SNRPN: variants seen among roughly 807,000 people sequenced by gnomAD.
SNRPN encodes small nuclear ribonucleoprotein-associated protein N.
SNRPN carries 7 observed loss-of-function variants against 25.2 expected under a neutral mutation model. The observed-to-expected ratio is 0.28, with a 90% CI of 0.16 to 0.52. The LOEUF (loss-of-function observed/expected upper bound fraction) is 0.52. SNRPN is among the 20% of genes least tolerant of loss of function. The pLI, the probability that SNRPN is intolerant of heterozygous loss-of-function variation, is 0.96. For synonymous variants in SNRPN, 124 were observed against 110.6 expected, an observed-to-expected ratio of 1.12 and a Z score of -0.76; for missense variants, 196 against 322.5, an observed-to-expected ratio of 0.61 and a Z score of 3.00.
At chr15:24,897,705 T>C (rs1292519902) in intron 2 of SNRPN, among the ~76,000 whole-genome samples, 1 of 152,176 alleles carries the variant, frequency 6.6e-6, no homozygotes, top group Admixed American at 6.5e-5. Context: ...GTTCTCTTGG[T>C]CATGAATAAG....
chr15:24,925,986 G>C (rs956016694), intron 3 of SNRPN, among the ~76,000 whole-genome samples: 2 of 152,020 alleles, frequency 1.3e-5, no homozygotes, highest in Non-Finnish European at 2.9e-5. Context: ...CGCCCGCCTC[G>C]GCCTCCCAAA....
At chr15:24,907,882 A>G (rs994022044) in intron 2 of SNRPN, among the ~76,000 whole-genome samples, 4 of 151,296 alleles carry the variant, frequency 2.6e-5, no homozygotes, top group Non-Finnish European at 5.9e-5. Context: ...GTGAAACCCT[A>G]TCTCTACTAA....
At chr15:24,973,680 G>A (rs934985714) in intron 3 of SNRPN, among the ~76,000 whole-genome samples, 26 of 152,276 alleles carry the variant, frequency 1.7e-4, no homozygotes, top group African/African-American at 6.0e-4. Context: ...GATTACAGGC[G>A]TGAGCCACCT....
At chr15:24,841,392 A>G (rs952424321) in intron 2 of SNRPN, among the ~76,000 whole-genome samples, 5 of 152,204 alleles carry the variant, frequency 3.3e-5, no homozygotes, top group Non-Finnish European at 5.9e-5. Flanking sequence ...AGTTGCTCAC[A>G]GGGCTCTACC....
At chr15:24,859,123 G>A (rs1247416766) in intron 1 of SNRPN, among the ~76,000 whole-genome samples, 1 of 152,130 alleles carries the variant, frequency 6.6e-6, no homozygotes, top group African/African-American at 2.4e-5. Context: ...ATGGGAAAAG[G>A]GTACAGGGGC....
intron 2 of SNRPN, among the ~76,000 whole-genome samples, chr15:24,892,066 G>A (rs982104008): frequency 6.6e-6 from 1 of 152,086 alleles, no homozygotes; most frequent in Non-Finnish European, 1.5e-5. Flanking sequence ...ATCTTCATTT[G>A]CCCTGTGAAG....
intron 2 of SNRPN, among the ~76,000 whole-genome samples, chr15:24,835,394 T>G (rs1335475080): frequency 6.6e-6 from 1 of 151,876 alleles, no homozygotes; most frequent in Non-Finnish European, 1.5e-5. Flanking sequence ...AAAATTACCT[T>G]AATTTTGTAG....
At chr15:24,872,747 GAAA>G (rs755883505) in intron 1 of SNRPN, among the ~76,000 whole-genome samples, 1 of 31,440 alleles carries the variant, frequency 3.2e-5, no homozygotes, top group Non-Finnish European at 5.8e-5. Flanking sequence ...ACTCCGTCTC[GAAA>G]AAAAAAAAAA....
chr15:24,949,234 C>A, intron 3 of SNRPN, among the ~76,000 whole-genome samples: 1 of 151,824 alleles, frequency 6.6e-6, no homozygotes, highest in East Asian at 1.9e-4. Context: ...GTCGGCCAGG[C>A]TGGTCTTGAA....
At chr15:24,877,688 A>ACG (rs1448000850) in intron 1 of SNRPN, among the ~76,000 whole-genome samples, 29 of 148,982 alleles carry the variant, frequency 1.9e-4, no homozygotes, top group African/African-American at 7.1e-4. Flanking sequence ...ACACACACAC[A>ACG]CACACACAAA....
At chr15:24,837,548 T>A (rs191726499) in intron 2 of SNRPN, among the ~76,000 whole-genome samples, 1 of 151,722 alleles carries the variant, frequency 6.6e-6, no homozygotes, top group Admixed American at 6.6e-5. Context: ...TTTTTGTATT[T>A]TTGGTAGAGA....
At chr15:24,962,662 A>G (rs1486830986) in intron 2 of SNRPN, among the ~76,000 whole-genome samples, 1 of 152,186 alleles carries the variant, frequency 6.6e-6, no homozygotes, top group Non-Finnish European at 1.5e-5. Flanking sequence ...TGTTTTAAGT[A>G]TATATATGTG....
intron 2 of SNRPN, chr15:24,908,811 T>C: frequency 2.0e-6 from 1 of 506,564 alleles, no homozygotes. Flanking sequence ...ACCTAGGGTC[T>C]GGAAATCTTT....
chr15:24,849,696 G>A (rs1432705585), intron 2 of SNRPN: 7 of 152,160 alleles, frequency 4.6e-5, no homozygotes, highest in African/African-American at 1.7e-4. Flanking sequence ...GATTTAGTTG[G>A]GGCCTCTCAG....
chr15:24,957,659 T>C lies in SNRPN; in HGVS notation c.-391+2597T>C, dbSNP rs560655188. On this transcript the variant is annotated intron_variant, in intron 1 of 9. Transcript: ENST00000390687. ...TAAATCTACGAAGCCCGAAAAGCCT[T>C]GTTCTGGAATAATCTATTTTTGGGT... Among the ~76,000 whole-genome samples the C allele has an allele frequency of 1.6e-3, 250 of 152,296 alleles. 1 individual carries two copies. The highest frequency in any genetic ancestry group is 5.8e-3 in the African/African-American group (243 of 41,564).
At chr15:24,966,772 A>G (rs2075702271) in intron 2 of SNRPN, among the ~76,000 whole-genome samples, 1 of 152,172 alleles carries the variant, frequency 6.6e-6, no homozygotes, top group South Asian at 2.1e-4. Context: ...GTTACTGAAA[A>G]ACCATAGAAA....
chr15:24,943,499 T>C (rs1017531301), intron 3 of SNRPN, among the ~76,000 whole-genome samples: 3 of 152,092 alleles, frequency 2.0e-5, no homozygotes, highest in African/African-American at 4.8e-5. Flanking sequence ...TCATGTGACT[T>C]AGTTGTGTCT....
intron 8 of SNRPN, 119 bp from the exon 9 acceptor site, chr15:24,978,074 A>G (rs1254592551): frequency 5.7e-6 from 7 of 1,229,748 alleles, no homozygotes; most frequent in Admixed American, 4.4e-5. Context: ...ATTGTCATAT[A>G]GAAGTTATTT....
chr15:24,859,371 A>G (rs1176844357), intron 1 of SNRPN, among the ~76,000 whole-genome samples: 1 of 152,146 alleles, frequency 6.6e-6, no homozygotes, highest in Non-Finnish European at 1.5e-5. Flanking sequence ...AAATGCCAAC[A>G]AGATTGTATT....
Sources: gnomAD v4.1 joint callset for allele counts (sites outside exome capture counted in the v4.1 genomes callset) on GRCh38, gnomAD v4.1.1 for gene constraint, MANE v1.5 for transcripts, NCBI Gene and HGNC (gene_info 2026-07-23, HGNC 2026-07-21) for gene names.